TRDN: variants seen among roughly 807,000 people sequenced by gnomAD.
TRDN encodes the protein triadin in skeletal muscle.
A neutral mutation model predicts 149.7 loss-of-function variants in TRDN; 161 were observed. The ratio of observed to expected loss-of-function variants is 1.08; its 90% CI spans 0.95 to 1.23. The LOEUF is 1.23. TRDN is among the 50% of genes most tolerant of loss of function. TRDN has a pLI of 0.00. For synonymous variants in TRDN, 294 were observed against 250.5 expected (o/e 1.17, Z -1.64); for missense variants, 896 against 823.5 (o/e 1.09, Z -1.08).
chr6:123,536,730 T>TAAATAAAA (rs1398537363), intron 4 of TRDN, among the ~76,000 whole-genome samples: 21 of 148,458 alleles, frequency 1.4e-4, no homozygotes, highest in South Asian at 4.2e-4. Context: ...AATAAATAAA[T>TAAATAAAA]AAAAATGAGC....
chr6:123,384,530 A>G (rs55848095), intron 14 of TRDN, among the ~76,000 whole-genome samples: 6 of 152,304 alleles, frequency 3.9e-5, no homozygotes, highest in African/African-American at 1.2e-4. Flanking sequence ...TCCAATCCCT[A>G]TATTCTCTGA....
At chr6:123,319,867 C>G (rs777231554) in intron 23 of TRDN, among the ~76,000 whole-genome samples, 1 of 151,942 alleles carries the variant, frequency 6.6e-6, no homozygotes, top group Non-Finnish European at 1.5e-5. Flanking sequence ...GCTGATGGGC[C>G]TGGGGAAGGG....
At chr6:123,363,614 T>C (rs7748321) in intron 20 of TRDN, among the ~76,000 whole-genome samples, 1 of 152,124 alleles carries the variant, frequency 6.6e-6, no homozygotes, top group Non-Finnish European at 1.5e-5. Context: ...ATTTATTTCC[T>C]TTCACTTCCC....
At chr6:123,231,234 T>A (rs1451032478) in intron 38 of TRDN, among the ~76,000 whole-genome samples, 1 of 151,764 alleles carries the variant, frequency 6.6e-6, no homozygotes, top group African/African-American at 2.4e-5. Flanking sequence ...ATAGAGAAAA[T>A]GAAAAAGTAC....
intron 12 of TRDN, among the ~76,000 whole-genome samples, chr6:123,428,777 T>C (rs149587540): frequency 6.6e-6 from 1 of 152,160 alleles, no homozygotes; most frequent in African/African-American, 2.4e-5. Flanking sequence ...TCTGCCTTGA[T>C]TTTTGCGTGA....
chr6:123,566,340 G>A (rs969752877), intron 2 of TRDN, among the ~76,000 whole-genome samples: 1 of 152,100 alleles, frequency 6.6e-6, no homozygotes, highest in Non-Finnish European at 1.5e-5. Flanking sequence ...GCTGAATAAC[G>A]AACCCAAATC....
At chr6:123,479,541 G>A (rs956853352) in intron 9 of TRDN, among the ~76,000 whole-genome samples, 8 of 152,078 alleles carry the variant, frequency 5.3e-5, no homozygotes, top group Non-Finnish European at 1.0e-4. Flanking sequence ...GTGTTTTAGC[G>A]CCAGCAGAGT....
At chr6:123,580,883 A>G (rs1451655914) in intron 1 of TRDN, among the ~76,000 whole-genome samples, 2 of 152,174 alleles carry the variant, frequency 1.3e-5, no homozygotes, top group African/African-American at 4.8e-5. Flanking sequence ...AAATTATTAG[A>G]TTATGATACT....
chr6:123,515,536 A>C (rs1779372991), intron 6 of TRDN, among the ~76,000 whole-genome samples: 1 of 151,362 alleles, frequency 6.6e-6, no homozygotes. Flanking sequence ...AGGACATACT[A>C]GATTTTGTGT....
chr6:123,332,104 C>A (rs1253716926), intron 22 of TRDN, among the ~76,000 whole-genome samples, 175 bp from the exon 23 acceptor site: 1 of 151,972 alleles, frequency 6.6e-6, no homozygotes, highest in Non-Finnish European at 1.5e-5. Flanking sequence ...GTATAGAATA[C>A]AATAAGCCAT....
At chr6:123,419,218 G>C (rs964402303) in intron 12 of TRDN, among the ~76,000 whole-genome samples, 1 of 151,954 alleles carries the variant, frequency 6.6e-6, no homozygotes, top group African/African-American at 2.4e-5. Context: ...ATAGAGAAAG[G>C]GTATAGATGT....
At chr6:123,587,446 A>T (rs1449108446) in intron 1 of TRDN, among the ~76,000 whole-genome samples, 1 of 152,170 alleles carries the variant, frequency 6.6e-6, no homozygotes, top group African/African-American at 2.4e-5. Flanking sequence ...GAGAGTAAGA[A>T]GAGTCTGCTT....
At chr6:123,287,441 T>A (rs1777840523) in intron 24 of TRDN, among the ~76,000 whole-genome samples, 1 of 152,258 alleles carries the variant, frequency 6.6e-6, no homozygotes, top group South Asian at 2.1e-4. Context: ...ATCTTCCAGG[T>A]GTACCTGATG....
intron 8 of TRDN, among the ~76,000 whole-genome samples, chr6:123,500,081 C>T (rs1486459529): frequency 1.3e-5 from 2 of 151,978 alleles, no homozygotes; most frequent in Non-Finnish European, 1.5e-5. Flanking sequence ...TTAATTAATA[C>T]ACCAACAGCC....
intron 4 of TRDN, among the ~76,000 whole-genome samples, chr6:123,532,299 C>T (rs766936131): frequency 6.6e-6 from 1 of 151,952 alleles, no homozygotes; most frequent in Non-Finnish European, 1.5e-5. Context: ...ATTATTGGCT[C>T]AGTTTGGCTA....
chr6:123,227,277 G>C (rs1404653017), intron 38 of TRDN, among the ~76,000 whole-genome samples: 2 of 151,832 alleles, frequency 1.3e-5, no homozygotes, highest in East Asian at 1.9e-4. Context: ...ACAAAAAAAG[G>C]CTTTGCCAAA....
chr6:123,525,691 TAA>T (rs956805435), intron 5 of TRDN, among the ~76,000 whole-genome samples: 3 of 152,142 alleles, frequency 2.0e-5, no homozygotes, highest in East Asian at 3.9e-4. Context: ...CCCTTGAATC[TAA>T]AAGTTTTTTA....
intron 5 of TRDN, among the ~76,000 whole-genome samples, chr6:123,523,918 G>A (rs1301718456): frequency 6.6e-6 from 1 of 152,016 alleles, no homozygotes; most frequent in East Asian, 1.9e-4. Flanking sequence ...TAAAACACTG[G>A]CTCGTCAAAA....
intron 9 of TRDN, among the ~76,000 whole-genome samples, chr6:123,473,978 C>T (rs1345401888): frequency 1.3e-5 from 2 of 151,972 alleles, no homozygotes; most frequent in African/African-American, 4.8e-5. Flanking sequence ...CAGTACCAGC[C>T]ACTGCAAAAT....
Sources: gnomAD v4.1 joint callset for allele counts (sites outside exome capture counted in the v4.1 genomes callset) on GRCh38, gnomAD v4.1.1 for gene constraint, MANE v1.5 for transcripts, NCBI Gene and HGNC (gene_info 2026-07-23, HGNC 2026-07-21) for gene names.